RAB11FIP4: variants seen among roughly 807,000 people sequenced by gnomAD.
RAB11FIP4 encodes the protein rab11 family-interacting protein 4.
RAB11FIP4 carries 23 observed loss-of-function variants against 74.3 expected under a neutral mutation model. The ratio of observed to expected loss-of-function variants is 0.31; its 90% CI spans 0.22 to 0.44. RAB11FIP4 has a LOEUF of 0.44. Ranked by LOEUF, RAB11FIP4 falls within the 20% of genes least tolerant of loss-of-function variation. The pLI is 1.00. For missense variants in RAB11FIP4, 630 were observed against 863.9 expected (o/e 0.73, Z 3.39); for synonymous variants, 360 against 359.9 (o/e 1.00, Z 0.00).
chr17:31,496,055 G>A (rs564933355), intron 3 of RAB11FIP4, among the ~76,000 whole-genome samples: 1 of 152,332 alleles, frequency 6.6e-6, no homozygotes, highest in African/African-American at 2.4e-5. Flanking sequence ...AAATAACGGT[G>A]CATTGTAAAA....
In RAB11FIP4 at chr17:31,431,810, C is replaced by T. The variant is rs2071312483; in HGVS notation, c.160-3C>T. 1.2e-6 allele frequency: 2 copies of T among 1,611,092 alleles called. No individual in the cohort carries two copies. Among genetic ancestry groups the T allele is most frequent in the Non-Finnish European group, 8.5e-7 (1 of 1,177,630 alleles). On this transcript the variant is annotated splice_polypyrimidine_tract_variant and splice_region_variant and intron_variant, in intron 1 of 14. Coordinates refer to ENST00000621161, the MANE Select transcript of RAB11FIP4 (RefSeq NM_032932.6). ...CACACCTGTCCCTGCTTCATTCCCA[C>T]AGGTGGAAAAACTTGTGAAATATTT...
At chr17:31,511,292 C>T (rs766076086) in intron 3 of RAB11FIP4, among the ~76,000 whole-genome samples, 33 of 152,202 alleles carry the variant, frequency 2.2e-4, no homozygotes, top group Non-Finnish European at 1.3e-4. Flanking sequence ...TGTTCCGCGC[C>T]CTCATGACAC....
intron 3 of RAB11FIP4, among the ~76,000 whole-genome samples, chr17:31,461,721 C>CTTT (rs143304350): frequency 7.0e-6 from 1 of 142,882 alleles, no homozygotes; most frequent in African/African-American, 2.6e-5. Context: ...TGCACCCAGC[C>CTTT]TTTTTTTTTT....
At position 31,532,597 on chromosome 17, in the gene RAB11FIP4, A is replaced by G. The variant is rs573237377; in HGVS notation, c.*865A>G. The stretch of plus-strand genomic sequence containing the variant: ...AAAGAAATGAGTTTTGGGGAGGAAC[A>G]CAACTCCCATCCCAGTCAGTTTCCT... On this transcript the variant is annotated 3_prime_UTR_variant, in exon 15 of 15. Transcript: ENST00000621161. 6.6e-6 allele frequency: 1 copy of G among 152,548 alleles called. No individual in the cohort carries two copies. The highest frequency in any genetic ancestry group is 1.5e-5 in the Non-Finnish European group (1 of 68,022). 9.4% of individuals were successfully genotyped at this position (152,548 alleles called of 1,614,324 possible).
intron 3 of RAB11FIP4, among the ~76,000 whole-genome samples, chr17:31,485,847 T>A (rs769860457): frequency 1.2e-4 from 18 of 152,194 alleles, no homozygotes; most frequent in African/African-American, 1.7e-4. Context: ...TCCCAAGACA[T>A]CTGGGAAATA....
At chr17:31,506,352 A>G (rs1194423202) in intron 3 of RAB11FIP4, among the ~76,000 whole-genome samples, 3 of 152,258 alleles carry the variant, frequency 2.0e-5, no homozygotes, top group East Asian at 3.8e-4. Context: ...CAGGGTCATT[A>G]GCAAAACCAT....
intron 3 of RAB11FIP4, chr17:31,487,953 G>A: frequency 3.9e-6 from 3 of 765,696 alleles, no homozygotes; most frequent in Non-Finnish European, 4.8e-6. Flanking sequence ...CCGCGTCCCT[G>A]TCCTCCGCCC....
chr17:31,506,590 T>C lies in RAB11FIP4; in HGVS notation c.337-11061T>C, dbSNP rs568559064. Among the ~76,000 whole-genome samples, 9 of 152,312 alleles carry C rather than the reference T, an allele frequency of 5.9e-5. No individual in the cohort carries two copies. The East Asian group carries it at 1.5e-3, about 26-fold the overall frequency. ...GGTAACCACCATTCTACTTTCTACT[T>C]CTATGGGATAACTTCTTTAGATTCT... On this transcript the variant is annotated intron_variant, in intron 3 of 14. Coordinates refer to ENST00000621161, the MANE Select transcript of RAB11FIP4 (RefSeq NM_032932.6).
chr17:31,411,949 T>C (rs1215675726), intron 1 of RAB11FIP4, among the ~76,000 whole-genome samples: 2 of 152,186 alleles, frequency 1.3e-5, no homozygotes, highest in Non-Finnish European at 2.9e-5. Context: ...CAGTCGGGGC[T>C]CTGGGAGGGC....
At chr17:31,415,194 A>G (rs1462802523) in intron 1 of RAB11FIP4, among the ~76,000 whole-genome samples, 1 of 152,252 alleles carries the variant, frequency 6.6e-6, no homozygotes, top group African/African-American at 2.4e-5. Flanking sequence ...GGCTTGGTCC[A>G]GTCAGAACTC....
At chr17:31,421,259 G>T (rs532909535) in intron 1 of RAB11FIP4, among the ~76,000 whole-genome samples, 4 of 151,260 alleles carry the variant, frequency 2.6e-5, no homozygotes, top group Non-Finnish European at 5.9e-5. Context: ...TCGCTCTGTT[G>T]CCCAGGCTGA....
Position 31,468,828 on chromosome 17 carries a change from C to CAA in RAB11FIP4, c.336+34716_336+34717dup, listed in dbSNP as rs35784763. 8.0e-4 allele frequency among the ~76,000 whole-genome samples: 117 copies of CAA among 146,536 alleles called. 1 individual carries two copies. The highest frequency in any genetic ancestry group is 2.0e-3 in the East Asian group (10 of 5,024). ...CTCGTGACAGAGCAAGACTCTGTCTCAAAAAAAAAAAGGAATCTCAACATC... is the reference window on the plus strand; with the variant it reads ...CTCGTGACAGAGCAAGACTCTGTCTCAAAAAAAAAAAAAGGAATCTCAACATC... On this transcript the variant is annotated intron_variant, in intron 3 of 14. Transcript: ENST00000621161.
At chr17:31,493,581 G>C (rs114601717) in intron 3 of RAB11FIP4, among the ~76,000 whole-genome samples, 11 of 152,054 alleles carry the variant, frequency 7.2e-5, no homozygotes, top group Admixed American at 7.2e-4. Flanking sequence ...CTGCTCCCTC[G>C]TTTTCCTGGA....
chr17:31,455,687 A>G (rs1264031905), intron 3 of RAB11FIP4, among the ~76,000 whole-genome samples: 1 of 152,086 alleles, frequency 6.6e-6, no homozygotes, highest in Non-Finnish European at 1.5e-5. Flanking sequence ...TACAACCAAT[A>G]TTTCAAAACA....
At chr17:31,524,045 A>G in intron 9 of RAB11FIP4, 49 bp downstream of exon 9, 1 of 1,380,230 alleles carries the variant, frequency 7.2e-7, no homozygotes, top group Non-Finnish European at 1.0e-6. Flanking sequence ...CTGGGGAACA[A>G]AGGGGGGTCC....
chr17:31,517,989 G>A (rs2072592836), intron 4 of RAB11FIP4, 112 bp downstream of exon 4: 1 of 786,800 alleles, frequency 1.3e-6, no homozygotes, highest in Non-Finnish European at 2.1e-6. Context: ...TTGTATCAGA[G>A]GCATTAGTGT....
intron 3 of RAB11FIP4, among the ~76,000 whole-genome samples, chr17:31,502,778 G>A (rs932539715): frequency 2.0e-5 from 3 of 152,132 alleles, no homozygotes; most frequent in South Asian, 2.1e-4. Flanking sequence ...CACAGACTGC[G>A]TGGCGTAAAC....
chr17:31,430,282 A>G (rs1253321518), intron 1 of RAB11FIP4, among the ~76,000 whole-genome samples: 5 of 149,312 alleles, frequency 3.3e-5, no homozygotes, highest in Non-Finnish European at 5.9e-5. Context: ...AGTGATGAAG[A>G]GCATGGGAGG....
intron 3 of RAB11FIP4, among the ~76,000 whole-genome samples, chr17:31,443,261 A>G (rs899785641): frequency 2.0e-5 from 3 of 152,200 alleles, no homozygotes; most frequent in Non-Finnish European, 2.9e-5. Flanking sequence ...ATTTTTTAAG[A>G]ACCAGAAATA....
Sources: allele counts gnomAD v4.1 joint callset (sites outside exome capture counted in the v4.1 genomes callset), GRCh38; gene constraint gnomAD v4.1.1; transcripts MANE v1.5; gene names NCBI Gene and HGNC (gene_info 2026-07-23, HGNC 2026-07-21).